Variants in SORCS3 observed in about 807,000 individuals in gnomAD.
The protein encoded by SORCS3 is VPS10 domain-containing receptor SorCS3.
SORCS3 carries 57 observed loss-of-function variants against 146.3 expected under a neutral mutation model. The ratio of observed to expected loss-of-function variants is 0.39; its 90% CI spans 0.31 to 0.49. The LOEUF is 0.49. Ranked by LOEUF, SORCS3 falls within the 20% of genes least tolerant of loss-of-function variation. The pLI, the probability that SORCS3 is intolerant of heterozygous loss-of-function variation, is 0.92. For missense variants in SORCS3, 1,341 were observed against 1,575.5 expected, an observed-to-expected ratio of 0.85 and a Z score of 2.52; for synonymous variants, 653 against 618.5, an observed-to-expected ratio of 1.06 and a Z score of -0.83.
chr10:105,115,966 A>G (rs1236204667), intron 7 of SORCS3, among the ~76,000 whole-genome samples: 3 of 152,204 alleles, frequency 2.0e-5, no homozygotes, highest in Admixed American at 6.5e-5. Flanking sequence ...AAGAAATCCA[A>G]TGAAGACATC....
At chr10:104,841,431 T>C (rs2018138285) in intron 1 of SORCS3, among the ~76,000 whole-genome samples, 1 of 152,190 alleles carries the variant, frequency 6.6e-6, no homozygotes, top group South Asian at 2.1e-4. Context: ...GGCCATGCCA[T>C]TGATGATGTT....
chr10:105,166,555 G>C (rs2056315066), intron 12 of SORCS3, among the ~76,000 whole-genome samples: 1 of 152,128 alleles, frequency 6.6e-6, no homozygotes, highest in Non-Finnish European at 1.5e-5. Flanking sequence ...AAATGCCTAT[G>C]GGTAGATGGA....
At chr10:104,977,214 C>T (rs2054904247) in intron 3 of SORCS3, 121 bp from the exon 4 acceptor site, 1 of 666,740 alleles carries the variant, frequency 1.5e-6, no homozygotes, top group African/African-American at 1.9e-5. Context: ...TTTACAGAGG[C>T]CCAGATGCTC....
intron 6 of SORCS3, among the ~76,000 whole-genome samples, chr10:105,099,586 A>G (rs1049060619): frequency 6.6e-5 from 10 of 152,208 alleles, no homozygotes; most frequent in African/African-American, 2.2e-4. Flanking sequence ...AAAAGTGGCT[A>G]AGATTTTATT....
At chr10:104,975,611 T>TA (rs1669555697) in intron 3 of SORCS3, among the ~76,000 whole-genome samples, 1 of 152,198 alleles carries the variant, frequency 6.6e-6, no homozygotes, top group South Asian at 2.1e-4. Flanking sequence ...AAGTCAATCC[T>TA]AAGCCAAAAG....
intron 2 of SORCS3, among the ~76,000 whole-genome samples, chr10:104,851,107 C>A (rs2018270114): frequency 6.6e-6 from 1 of 152,166 alleles, no homozygotes; most frequent in African/African-American, 2.4e-5. Flanking sequence ...AATGAGTTTG[C>A]TCTAAATATT....
At chr10:105,215,723 T>TG (rs1005893465) in intron 18 of SORCS3, among the ~76,000 whole-genome samples, 101 of 152,180 alleles carry the variant, frequency 6.6e-4, no homozygotes, top group Non-Finnish European at 1.3e-3. Context: ...TGACATTGTG[T>TG]GGGGGGCAAG....
At chr10:105,224,586 T>C (rs1171899030) in intron 20 of SORCS3, among the ~76,000 whole-genome samples, 1 of 152,204 alleles carries the variant, frequency 6.6e-6, no homozygotes, top group Non-Finnish European at 1.5e-5. Context: ...AGTTTTCGAC[T>C]ACTTTGGATA....
At chr10:105,151,290 G>A (rs1231926437) in intron 9 of SORCS3, among the ~76,000 whole-genome samples, 1 of 152,186 alleles carries the variant, frequency 6.6e-6, no homozygotes, top group Non-Finnish European at 1.5e-5. Context: ...GCCTTGTGGA[G>A]CAGTGGGGAT....
At chr10:105,173,455 A>G (rs1044727125) in intron 13 of SORCS3, among the ~76,000 whole-genome samples, 11 of 152,264 alleles carry the variant, frequency 7.2e-5, no homozygotes, top group South Asian at 4.1e-4. Context: ...CAACCTCTAT[A>G]TATTTTGTTA....
chr10:105,048,376 C>T (rs1470427182), intron 5 of SORCS3, among the ~76,000 whole-genome samples: 2 of 150,840 alleles, frequency 1.3e-5, no homozygotes, highest in African/African-American at 4.9e-5. Context: ...GAATTCATGT[C>T]CTTTGTAGGG....
intron 2 of SORCS3, among the ~76,000 whole-genome samples, chr10:104,870,209 A>T (rs1237504210): frequency 6.6e-6 from 1 of 152,200 alleles, no homozygotes; most frequent in Non-Finnish European, 1.5e-5. Context: ...CACACATTTA[A>T]ATTAATATTT....
intron 1 of SORCS3, among the ~76,000 whole-genome samples, chr10:104,680,272 C>T (rs541801112): frequency 5.4e-4 from 83 of 152,320 alleles, no homozygotes; most frequent in Admixed American, 2.4e-3. Context: ...TAAATACAAG[C>T]AAGCACATAA....
At chr10:105,041,183 C>G (rs1463120987) in intron 4 of SORCS3, among the ~76,000 whole-genome samples, 1 of 148,458 alleles carries the variant, frequency 6.7e-6, no homozygotes, top group Non-Finnish European at 1.5e-5. Flanking sequence ...AATCTGAAGG[C>G]CATCCAACCT....
intron 19 of SORCS3, among the ~76,000 whole-genome samples, chr10:105,220,479 G>A (rs1049144935): frequency 1.3e-5 from 2 of 152,154 alleles, no homozygotes; most frequent in African/African-American, 2.4e-5. Flanking sequence ...AGAAACTCAA[G>A]GCCATGAACC....
chr10:105,233,198 A>T (rs113459495), intron 20 of SORCS3, among the ~76,000 whole-genome samples: 208 of 152,236 alleles, frequency 1.4e-3, no homozygotes, highest in Admixed American at 4.8e-3. Context: ...AAATAACACT[A>T]TACCACTTCA....
Position 104,939,244 on chromosome 10 carries a change from T to C in SORCS3, c.795+23312T>C, listed in dbSNP as rs2019288452. ...TTTTGATGCTTTCATCGCACTCTTG[T>C]TTACCTCCCTAGCATGTATCTTCCT... On this transcript the variant is annotated intron_variant, in intron 3 of 26. Transcript: ENST00000369701. Among the ~76,000 whole-genome samples, 3 of 152,206 alleles carry C rather than the reference T, an allele frequency of 2.0e-5. 1 individual carries two copies. Among genetic ancestry groups the C allele is most frequent in the Admixed American group, 2.0e-4 (3 of 15,286 alleles).
intron 3 of SORCS3, among the ~76,000 whole-genome samples, chr10:104,972,464 A>G (rs545153257): frequency 2.6e-5 from 4 of 152,352 alleles, no homozygotes; most frequent in African/African-American, 9.6e-5. Context: ...TAACAAAGGA[A>G]TCATAAAACC....
In SORCS3 at chr10:104,958,504, C is replaced by T. The variant is rs532579193; in HGVS notation, c.796-18831C>T. Among the ~76,000 whole-genome samples the T allele has an allele frequency of 8.5e-5, 13 of 152,196 alleles. 1 individual carries two copies. The highest frequency in any genetic ancestry group is 2.2e-4 in the African/African-American group (9 of 41,516). The stretch of plus-strand genomic sequence containing the variant: ...AGGAGAGTACCCTGGATTATCAGGT[C>T]GGCCATTGTAATCTAGAGAATGGGA... On this transcript the variant is annotated intron_variant, in intron 3 of 26. Transcript: ENST00000369701.
Sources: allele counts gnomAD v4.1 joint callset (sites outside exome capture counted in the v4.1 genomes callset), GRCh38; gene constraint gnomAD v4.1.1; transcripts MANE v1.5; gene names NCBI Gene and HGNC (gene_info 2026-07-23, HGNC 2026-07-21).